Variants in CDKL5 observed in about 807,000 individuals in gnomAD.
CDKL5 encodes cyclin dependent kinase like 5.
In CDKL5, 8 loss-of-function variants were observed where a neutral mutation model predicts 61.7. The observed-to-expected ratio is 0.13, with a 90% CI of 0.08 to 0.23. The LOEUF (loss-of-function observed/expected upper bound fraction) is 0.23. Ranked by LOEUF, CDKL5 falls within the 10% of genes least tolerant of loss-of-function variation. The probability of loss-of-function intolerance (pLI) is 1.00; values close to 1 mark genes in which losing one functional copy is unlikely to be tolerated. For missense variants in CDKL5, 440 were observed against 734.5 expected, an observed-to-expected ratio of 0.60 and a Z score of 4.63; for synonymous variants, 275 against 272.3, an observed-to-expected ratio of 1.01 and a Z score of -0.10.
intron 3 of CDKL5, among the ~76,000 whole-genome samples, chrX:18,559,618 C>CTTT: frequency 1.1e-5 from 1 of 90,857 alleles, no homozygotes; most frequent in East Asian, 3.4e-4. Context: ...ATGACCTTTT[C>CTTT]TTTTTTTTTT....
At chrX:18,545,894 G>T (rs761493012) in intron 3 of CDKL5, among the ~76,000 whole-genome samples, 40 of 111,872 alleles carry the variant, frequency 3.6e-4, no homozygotes, top group Admixed American at 9.5e-4. Context: ...GATATAATAA[G>T]ATTCTTTGCT....
chrX:18,556,882 CAAAAAAAAAAAAAAA>C (rs67362338), intron 3 of CDKL5, among the ~76,000 whole-genome samples: 34 of 44,959 alleles, frequency 7.6e-4, no homozygotes, highest in African/African-American at 3.0e-3. Flanking sequence ...GACTCCGTCT[CAAAAAAAAAAAAAAA>C]AAAAAAAAAG....
At chrX:18,491,148 T>C (rs953929174) in intron 1 of CDKL5, among the ~76,000 whole-genome samples, 2 of 111,995 alleles carry the variant, frequency 1.8e-5, no homozygotes, top group Non-Finnish European at 3.8e-5. Flanking sequence ...ACTCAATTGC[T>C]CTGGAAGCTT....
intron 1 of CDKL5, among the ~76,000 whole-genome samples, chrX:18,469,057 G>T (rs1416608417): frequency 9.0e-6 from 1 of 110,938 alleles, no homozygotes; most frequent in African/African-American, 3.3e-5. Context: ...CATTGAATAG[G>T]GCTGGGCGTG....
chrX:18,640,920 G>GA (rs760315286), downstream of CDKL5: 1 of 113,202 alleles, frequency 8.8e-6, no homozygotes, highest in African/African-American at 3.2e-5. Flanking sequence ...TCCAGGAACG[G>GA]AAAGCCAGGC....
Position 18,605,104 on chromosome X carries a change from CT to C in CDKL5, c.1944+247del, listed in dbSNP as rs372238701. Among the ~76,000 whole-genome samples the C allele has an allele frequency of 4.5e-3, 466 of 104,503 alleles. 2 individuals are homozygous for C. Among genetic ancestry groups the C allele is most frequent in the African/African-American group, 0.015 (431 of 28,998 alleles). The allele number at this position is 104,503 out of a possible 115,157, so 90.7% of individuals were successfully genotyped here. ...AAAGTCAAATTTTGTTTTTAGTGATCTTTTTTTTTTTCTTAAATGTTCTTTT... is the reference window on the plus strand; with the variant it reads ...AAAGTCAAATTTTGTTTTTAGTGATCTTTTTTTTTTCTTAAATGTTCTTTT... On this transcript the variant is annotated intron_variant, in intron 12 of 17. Transcript: ENST00000623535.
At chrX:18,613,507 C>G (rs1926628497) in intron 15 of CDKL5, among the ~76,000 whole-genome samples, 1 of 111,673 alleles carries the variant, frequency 9.0e-6, no homozygotes, top group Non-Finnish European at 1.9e-5. Flanking sequence ...TATTAAATAC[C>G]TGATACGCTT....
chrX:18,481,330 TTC>T (rs952848882), intron 1 of CDKL5, among the ~76,000 whole-genome samples: 3 of 84,912 alleles, frequency 3.5e-5, no homozygotes, highest in African/African-American at 1.6e-4. Context: ...GTTTCTTTCT[TTC>T]TTTCTTTCTT....
chrX:18,440,765 T>G (rs912522963), intron 1 of CDKL5, among the ~76,000 whole-genome samples: 1 of 111,732 alleles, frequency 8.9e-6, no homozygotes, highest in African/African-American at 3.3e-5. Context: ...GGGTATGTCT[T>G]TCCTTCTGCT....
chrX:18,584,084 A>G (rs376772411), intron 7 of CDKL5, among the ~76,000 whole-genome samples, 179 bp from the exon 8 acceptor site: 4 of 112,230 alleles, frequency 3.6e-5, no homozygotes, highest in East Asian at 2.8e-4. Flanking sequence ...TTCAATTGAC[A>G]TGGAACACTC....
chrX:18,604,455 C>G lies in CDKL5; in HGVS notation c.1531C>G (p.Pro511Ala), dbSNP rs1262694371. Reference protein sequence around the residue: ...LSEARAQIAEPSTSRYFPSSC... With the variant: ...LSEARAQIAEASTSRYFPSSC... ...TGAAGCCAGGGCCCAAATTGCGGAGCCCAGTACCAGTAGGTACTTCCCATC... is the reference window on the plus strand; with the variant it reads ...TGAAGCCAGGGCCCAAATTGCGGAGGCCAGTACCAGTAGGTACTTCCCATC... Residue 511 changes from proline to alanine, a missense_variant, in exon 12 of 18, where the codon CCC becomes GCC. Around this residue, in one of 2 missense-constraint regions of CDKL5, gnomAD observed 363 missense variants for 516.3 expected, o/e 0.70. Coordinates refer to ENST00000623535, the MANE Select transcript of CDKL5 (RefSeq NM_001323289.2). The G allele has an allele frequency of 8.3e-7, 1 of 1,211,202 alleles. No individual in the cohort carries two copies. The highest frequency in any genetic ancestry group is 1.1e-6 in the Non-Finnish European group (1 of 894,904).
chrX:18,591,225 C>T (rs193057310), intron 9 of CDKL5, among the ~76,000 whole-genome samples: 2 of 111,948 alleles, frequency 1.8e-5, no homozygotes, highest in African/African-American at 6.5e-5. Flanking sequence ...TGTTTCTTTA[C>T]TTGTTAATTG....
intron 1 of CDKL5, among the ~76,000 whole-genome samples, chrX:18,453,695 T>C (rs958661945): frequency 8.9e-6 from 1 of 111,986 alleles, no homozygotes; most frequent in Admixed American, 9.6e-5. Context: ...GGTCCATATA[T>C]ATTTCCTGTC....
intron 1 of CDKL5, among the ~76,000 whole-genome samples, chrX:18,443,257 T>G (rs1212813421): frequency 8.9e-6 from 1 of 112,308 alleles, no homozygotes; most frequent in Non-Finnish European, 1.9e-5. Context: ...CTTTTTCCCT[T>G]GAATGGTTGT....
intron 1 of CDKL5, among the ~76,000 whole-genome samples, chrX:18,448,254 G>A (rs1931927298): frequency 8.9e-6 from 1 of 111,900 alleles, no homozygotes; most frequent in Admixed American, 9.5e-5. Flanking sequence ...ATTATCTACA[G>A]TTGCCAATGT....
chrX:18,631,261 G>A lies in CDKL5; in HGVS notation c.*2504G>A, dbSNP rs1927229229. 1.3e-6 allele frequency: 1 copy of A among 754,003 alleles called. No individual in the cohort carries two copies. The highest frequency in any genetic ancestry group is 1.6e-6 in the Non-Finnish European group (1 of 639,011). The allele number at this position is 754,003 out of a possible 1,213,427, so 62.1% of individuals were successfully genotyped here. On this transcript the variant is annotated 3_prime_UTR_variant, in exon 18 of 18. Transcript: ENST00000623535. ...ACTTTTTGTACTTTCCCAGATTTGA[G>A]CCAGAAAATACCTACAGATATCTAC...
At chrX:18,570,723 T>C (rs771800299) in intron 4 of CDKL5, among the ~76,000 whole-genome samples, 1 of 111,589 alleles carries the variant, frequency 9.0e-6, no homozygotes, top group Non-Finnish European at 1.9e-5. Context: ...TACAATAGAG[T>C]TTCTGCTCAT....
chrX:18,589,978 G>T (rs1602277336), intron 9 of CDKL5, among the ~76,000 whole-genome samples: 1 of 111,822 alleles, frequency 8.9e-6, no homozygotes, highest in East Asian at 2.8e-4. Flanking sequence ...ACTTTTTGAT[G>T]GAGTAGTTTG....
rs1244682531 is a variant in CDKL5, at chrX:18,516,776, A to AC, written c.99+5925dup. Among the ~76,000 whole-genome samples, 2 of 111,241 alleles carry AC rather than the reference A, an allele frequency of 1.8e-5. 1 individual carries two copies. Among genetic ancestry groups the AC allele is most frequent in the Non-Finnish European group, 3.8e-5 (2 of 53,065 alleles). ...TTTGAGATGAAGTTTTGCTCTTGTC[A>AC]CCCAGGCTGGAGTCCAATGGCGCTA... is the stretch of plus-strand genomic sequence containing the variant. On this transcript the variant is annotated intron_variant, in intron 3 of 17. Coordinates refer to ENST00000623535, the MANE Select transcript of CDKL5 (RefSeq NM_001323289.2).
Sources: allele counts gnomAD v4.1 joint callset (sites outside exome capture counted in the v4.1 genomes callset), GRCh38; gene constraint gnomAD v4.1.1; regional missense constraint gnomAD v4.1.1; transcripts MANE v1.5; gene names NCBI Gene and HGNC (gene_info 2026-07-23, HGNC 2026-07-21).